The following PRKN variants were observed in gnomAD, a reference collection of about 807,000 sequenced individuals.
The protein encoded by PRKN is parkin RBR E3 ubiquitin protein ligase.
In PRKN, 56 loss-of-function variants were observed where a neutral mutation model predicts 59.5. That is an observed-to-expected ratio of 0.94 (90% confidence interval 0.76 to 1.18). The LOEUF (loss-of-function observed/expected upper bound fraction) is 1.18, where lower values mean the gene tolerates loss of function less well. Ranked by LOEUF, PRKN falls within the 50% of genes most tolerant of loss-of-function variation. The pLI, the probability that PRKN is intolerant of heterozygous loss-of-function variation, is 0.00. For synonymous variants in PRKN, 250 were observed against 222.1 expected (o/e 1.13, Z -1.12); for missense variants, 657 against 596.4 (o/e 1.10, Z -1.06).
intron 6 of PRKN, among the ~76,000 whole-genome samples, chr6:161,886,668 G>C (rs978785032): frequency 6.6e-6 from 1 of 150,830 alleles, no homozygotes; most frequent in Non-Finnish European, 1.5e-5. Flanking sequence ...CTGCACTCTA[G>C]CCTGGGCAAC....
At chr6:161,597,780 G>T (rs1781967263) in intron 7 of PRKN, among the ~76,000 whole-genome samples, 1 of 152,174 alleles carries the variant, frequency 6.6e-6, no homozygotes, top group Non-Finnish European at 1.5e-5. Flanking sequence ...TGAGGTACTG[G>T]TGCTGCTATG....
chr6:161,876,461 G>A (rs768118300), intron 6 of PRKN, among the ~76,000 whole-genome samples: 13 of 152,096 alleles, frequency 8.5e-5, no homozygotes, highest in Non-Finnish European at 1.3e-4. Context: ...ACAGGCGCAT[G>A]CCGTCACACC....
chr6:162,479,123 G>A (rs150210031), intron 1 of PRKN, among the ~76,000 whole-genome samples: 211 of 151,524 alleles, frequency 1.4e-3, no homozygotes, highest in African/African-American at 4.6e-3. Context: ...AATAATACCG[G>A]TTTAACACAC....
chr6:162,179,485 A>G (rs1783693459), intron 4 of PRKN, among the ~76,000 whole-genome samples: 1 of 152,066 alleles, frequency 6.6e-6, no homozygotes, highest in African/African-American at 2.4e-5. Flanking sequence ...CTCTAACCCC[A>G]GTCTGTGGGG....
At chr6:161,492,121 C>T in intron 9 of PRKN, among the ~76,000 whole-genome samples, 1 of 147,166 alleles carries the variant, frequency 6.8e-6, no homozygotes, top group Non-Finnish European at 1.5e-5. Context: ...AATTAAATAT[C>T]ACTCTATAAG....
chr6:161,415,139 A>G (rs1327364042), intron 9 of PRKN, among the ~76,000 whole-genome samples: 2 of 152,150 alleles, frequency 1.3e-5, no homozygotes, highest in African/African-American at 2.4e-5. Flanking sequence ...AGAATACAGA[A>G]TAACACCGGA....
chr6:161,953,731 C>T (rs1388521305), intron 6 of PRKN, among the ~76,000 whole-genome samples: 1 of 152,192 alleles, frequency 6.6e-6, no homozygotes, highest in African/African-American at 2.4e-5. Flanking sequence ...CAGCATTCTA[C>T]ACACACATGT....
intron 2 of PRKN, among the ~76,000 whole-genome samples, chr6:162,419,016 A>T (rs1711722074): frequency 6.6e-6 from 1 of 151,938 alleles, no homozygotes; most frequent in Non-Finnish European, 1.5e-5. Flanking sequence ...GCAAAGAACC[A>T]GAGACAAAGC....
At chr6:161,775,007 T>A (rs1281480420) in intron 7 of PRKN, among the ~76,000 whole-genome samples, 1 of 152,066 alleles carries the variant, frequency 6.6e-6, no homozygotes, top group Non-Finnish European at 1.5e-5. Flanking sequence ...ATTTTCACAG[T>A]GGCAATTATA....
chr6:161,877,347 C>G (rs895464952), intron 6 of PRKN, among the ~76,000 whole-genome samples: 1 of 152,202 alleles, frequency 6.6e-6, no homozygotes, highest in Non-Finnish European at 1.5e-5. Context: ...CACCACTGCC[C>G]TCCATGGCCC....
At chr6:161,759,866 T>C (rs1177061578) in intron 7 of PRKN, among the ~76,000 whole-genome samples, 1 of 152,170 alleles carries the variant, frequency 6.6e-6, no homozygotes, top group East Asian at 1.9e-4. Context: ...GGGTTCAGTT[T>C]TCTGAAGTCT....
chr6:162,286,231 A>T (rs889275544), intron 2 of PRKN, among the ~76,000 whole-genome samples: 2 of 149,160 alleles, frequency 1.3e-5, no homozygotes, highest in Non-Finnish European at 2.9e-5. Context: ...TATCACGTTT[A>T]TTTGCTAGCT....
intron 2 of PRKN, among the ~76,000 whole-genome samples, chr6:162,383,286 A>G (rs2128141463): frequency 6.6e-6 from 1 of 152,320 alleles, no homozygotes; most frequent in East Asian, 1.9e-4. Flanking sequence ...TTCTTGAATA[A>G]TAAGACTTGA....
intron 7 of PRKN, among the ~76,000 whole-genome samples, chr6:161,753,929 G>T (rs1306892807): frequency 6.6e-6 from 1 of 152,184 alleles, no homozygotes; most frequent in African/African-American, 2.4e-5. Flanking sequence ...AAAGGTCAGA[G>T]GGTAAGCTAT....
Position 161,843,941 on chromosome 6 carries a change from C to T in PRKN, c.735-58033G>A, listed in dbSNP as rs977824832. 7.2e-5 allele frequency among the ~76,000 whole-genome samples: 11 copies of T among 152,302 alleles called. No individual in the cohort carries two copies. The South Asian group carries it at 8.3e-4, about 11-fold the overall frequency. ...TGGGATCTCTGGAGATGGTAACCTG[C>T]GTGGAAGGCTCCAGGCTCTGGTCCT... On this transcript the variant is annotated intron_variant, in intron 6 of 11. Transcript: ENST00000366898.
At chr6:161,425,178 T>C (rs1409161788) in intron 9 of PRKN, among the ~76,000 whole-genome samples, 1 of 152,142 alleles carries the variant, frequency 6.6e-6, no homozygotes, top group Non-Finnish European at 1.5e-5. Context: ...GAGAGGCTCA[T>C]ATAACTACTT....
At position 161,882,641 on chromosome 6, in the gene PRKN, T is replaced by C. The variant is rs1462680189; in HGVS notation, c.734+90661A>G. Among the ~76,000 whole-genome samples, 4 of 152,338 alleles carry C rather than the reference T, an allele frequency of 2.6e-5. No homozygotes were observed. In the East Asian group the frequency reaches 7.7e-4, roughly 29 times the overall value. On this transcript the variant is annotated intron_variant, in intron 6 of 11. Coordinates refer to ENST00000366898, the MANE Select transcript of PRKN (RefSeq NM_004562.3). ...ACAGTCACTGGAGTCAAATATGTTTTAACTGTTTCCTCTCATTTCCATATC... is the reference window on the plus strand; with the variant it reads ...ACAGTCACTGGAGTCAAATATGTTTCAACTGTTTCCTCTCATTTCCATATC...
In PRKN at chr6:161,579,214, T is replaced by C. The variant is rs1158383762; in HGVS notation, c.872-9798A>G. On this transcript the variant is annotated intron_variant, in intron 7 of 11. Transcript: ENST00000366898. The surrounding 1 kb of genome is among the most constrained non-coding windows in gnomAD (Gnocchi z 4.2). ...CCACAGATTATGGTGGTTGGTTGGTTACCTGAGTGAAAATGTCAATGTCTA... is the reference window on the plus strand; with the variant it reads ...CCACAGATTATGGTGGTTGGTTGGTCACCTGAGTGAAAATGTCAATGTCTA... Among the ~76,000 whole-genome samples, 1 of 152,236 alleles carries C rather than the reference T, an allele frequency of 6.6e-6. No individual in the cohort carries two copies. The highest frequency in any genetic ancestry group is 1.5e-5 in the Non-Finnish European group (1 of 68,030).
intron 6 of PRKN, among the ~76,000 whole-genome samples, chr6:161,871,939 A>AC (rs1295816369): frequency 5.3e-5 from 8 of 152,294 alleles, no homozygotes; most frequent in African/African-American, 1.9e-4. Context: ...TCAGTGGGGC[A>AC]CTTTAATAAT....
Sources: gnomAD v4.1 joint callset for allele counts (sites outside exome capture counted in the v4.1 genomes callset) on GRCh38, gnomAD v4.1.1 for gene constraint, Gnocchi (gnomAD v3.1) non-coding constraint, MANE v1.5 for transcripts, NCBI Gene and HGNC (gene_info 2026-07-23, HGNC 2026-07-21) for gene names.